Variants in NLGN4X observed in about 807,000 individuals in gnomAD.
The protein encoded by NLGN4X is neuroligin 4 X-linked.
In NLGN4X, 3 loss-of-function variants were observed where a neutral mutation model predicts 40.3. That is an observed-to-expected ratio of 0.07 (90% CI 0.03 to 0.19). NLGN4X has a LOEUF of 0.19. Among genes scored for constraint, NLGN4X ranks in the 10% least tolerant of loss-of-function variants. The probability of loss-of-function intolerance (pLI) is 1.00; values close to 1 mark genes in which losing one functional copy is unlikely to be tolerated. For missense variants in NLGN4X, 382 were observed against 708.3 expected (o/e 0.54, Z 5.23); for synonymous variants, 270 against 306.8 (o/e 0.88, Z 1.25).
chrX:6,133,784 T>C (rs1170130573), intron 2 of NLGN4X, among the ~76,000 whole-genome samples: 2 of 111,807 alleles, frequency 1.8e-5, no homozygotes, highest in East Asian at 5.6e-4. Context: ...CATTCATGTC[T>C]ATATGGTAAC....
intron 1 of NLGN4X, among the ~76,000 whole-genome samples, chrX:6,213,879 T>A (rs1433440246): frequency 2.7e-5 from 3 of 111,913 alleles, no homozygotes; most frequent in African/African-American, 6.5e-5. Context: ...GAAATGTCTC[T>A]CCTCTACATA....
intron 2 of NLGN4X, among the ~76,000 whole-genome samples, chrX:6,050,526 T>C (rs1170102551): frequency 9.0e-6 from 1 of 111,684 alleles, no homozygotes; most frequent in Non-Finnish European, 1.9e-5. Flanking sequence ...TACCCATCTC[T>C]ATCTATCATC....
At chrX:6,003,239 T>C (rs1195848232) in intron 3 of NLGN4X, among the ~76,000 whole-genome samples, 1 of 111,931 alleles carries the variant, frequency 8.9e-6, no homozygotes, top group Non-Finnish European at 1.9e-5. Flanking sequence ...GTGGGCTAGC[T>C]TGAAGTAAGC....
intron 3 of NLGN4X, among the ~76,000 whole-genome samples, chrX:5,933,097 T>A (rs950883776): frequency 2.7e-5 from 3 of 110,268 alleles, no homozygotes; most frequent in African/African-American, 6.6e-5. Flanking sequence ...ACTCTGAATT[T>A]AAAAAAATTT....
chrX:6,007,213 CAG>C (rs893618329), intron 3 of NLGN4X, among the ~76,000 whole-genome samples: 14 of 111,680 alleles, frequency 1.3e-4, no homozygotes, highest in Non-Finnish European at 2.1e-4. Flanking sequence ...TGAAATAACT[CAG>C]AAAGTCCAAC....
chrX:5,911,527 C>T lies in NLGN4X; in HGVS notation c.626-2288G>A, dbSNP rs1349433653. On this transcript the variant is annotated intron_variant, in intron 3 of 5. Coordinates refer to ENST00000381095, the MANE Select transcript of NLGN4X (RefSeq NM_181332.3). ...CCTACAGGCTGGCTGAGGGAAACGA[C>T]AATCCATGGATCTCTGAAGTTTAAC... Among the ~76,000 whole-genome samples the T allele has an allele frequency of 5.3e-5, 6 of 112,347 alleles. No homozygotes were observed. In the Admixed American group the frequency reaches 5.7e-4, roughly 11 times the overall value.
At chrX:6,055,033 C>T (rs920423871) in intron 2 of NLGN4X, among the ~76,000 whole-genome samples, 9 of 112,251 alleles carry the variant, frequency 8.0e-5, no homozygotes, top group African/African-American at 2.6e-4. Context: ...CCTCTACAGA[C>T]TACTGTACTT....
At chrX:6,013,874 A>G (rs2036319231) in intron 3 of NLGN4X, among the ~76,000 whole-genome samples, 1 of 110,441 alleles carries the variant, frequency 9.1e-6, no homozygotes, top group South Asian at 3.9e-4. Flanking sequence ...AAATAAGAAT[A>G]AATCAATTTT....
intron 1 of NLGN4X, among the ~76,000 whole-genome samples, chrX:6,191,136 G>A (rs1296777492): frequency 4.6e-5 from 5 of 109,063 alleles, no homozygotes; most frequent in Non-Finnish European, 9.5e-5. Context: ...AAAGTAATCC[G>A]AAAGCACTGC....
intron 1 of NLGN4X, 23 bp from the exon 2 acceptor site, chrX:6,151,794 A>G (rs2040170928): frequency 3.2e-6 from 1 of 312,927 alleles, no homozygotes; most frequent in Middle Eastern, 9.4e-4. Flanking sequence ...GAAAGCAGAC[A>G]AGAATAATGA....
intron 2 of NLGN4X, among the ~76,000 whole-genome samples, chrX:6,137,513 T>C (rs1015715512): frequency 3.6e-5 from 4 of 111,880 alleles, no homozygotes; most frequent in Admixed American, 1.9e-4. Flanking sequence ...TGACGTGGCC[T>C]GTCAAAGTTT....
intron 2 of NLGN4X, among the ~76,000 whole-genome samples, chrX:6,147,517 A>G (rs1250245862): frequency 8.9e-6 from 1 of 111,829 alleles, no homozygotes; most frequent in Non-Finnish European, 1.9e-5. Flanking sequence ...CCATCCCCTC[A>G]TGTATGAACT....
chrX:6,032,280 T>C (rs2036885671), intron 2 of NLGN4X, among the ~76,000 whole-genome samples: 1 of 89,919 alleles, frequency 1.1e-5, no homozygotes, highest in Non-Finnish European at 2.1e-5. Context: ...TTGTAGTTCA[T>C]AAAAATAATT....
chrX:6,057,668 T>C (rs757092740), intron 2 of NLGN4X, among the ~76,000 whole-genome samples: 2 of 112,046 alleles, frequency 1.8e-5, no homozygotes, highest in African/African-American at 3.2e-5. Flanking sequence ...TTACAGACAA[T>C]TAGGCTAATT....
intron 3 of NLGN4X, among the ~76,000 whole-genome samples, chrX:6,012,203 G>C (rs1435674314): frequency 8.9e-6 from 1 of 112,670 alleles, no homozygotes; most frequent in Non-Finnish European, 1.9e-5. Flanking sequence ...AATTTAAGAA[G>C]GAAGTGTGAA....
intron 1 of NLGN4X, among the ~76,000 whole-genome samples, chrX:6,213,909 C>T (rs777714798): frequency 1.8e-5 from 2 of 111,900 alleles, no homozygotes; most frequent in South Asian, 3.8e-4. Context: ...GCATTCCCAG[C>T]GCACTTACTT....
At chrX:6,152,028 G>A (rs2040176941) in intron 1 of NLGN4X, among the ~76,000 whole-genome samples, 1 of 111,229 alleles carries the variant, frequency 9.0e-6, no homozygotes, top group Non-Finnish European at 1.9e-5. Context: ...ATAGCTCACT[G>A]CAGCCTCCAA....
At chrX:5,904,013 C>T in intron 4 of NLGN4X, 147 bp from the exon 5 acceptor site, 3 of 682,344 alleles carry the variant, frequency 4.4e-6, no homozygotes, top group East Asian at 7.0e-5. Flanking sequence ...CCCTTTTACC[C>T]ATTTTCATTT....
rs908333319 is a variant in NLGN4X, at chrX:6,075,696, C to G, written c.473-46264G>C. Among the ~76,000 whole-genome samples, 4 of 110,846 alleles carry G rather than the reference C, an allele frequency of 3.6e-5. No homozygotes were observed. The Admixed American group carries it at 3.8e-4, about 11-fold the overall frequency. On this transcript the variant is annotated intron_variant, in intron 2 of 5. Transcript: ENST00000381095. Reference sequence around the variant, plus strand: ...CTGACTGTTTAAAAGAGCCTAGCACCTCCTTCCCCCCATTCTCTTGCTTCT... The same window carrying G: ...CTGACTGTTTAAAAGAGCCTAGCACGTCCTTCCCCCCATTCTCTTGCTTCT...
Sources: gnomAD v4.1 joint callset for allele counts (sites outside exome capture counted in the v4.1 genomes callset) on GRCh38, gnomAD v4.1.1 for gene constraint, MANE v1.5 for transcripts, NCBI Gene and HGNC (gene_info 2026-07-23, HGNC 2026-07-21) for gene names.